Variants in IL12RB2 observed in about 807,000 individuals in gnomAD.
IL12RB2 encodes interleukin-12 receptor subunit beta-2.
Under a neutral mutation model 89.4 loss-of-function variants are expected in IL12RB2, and 82 were observed. The observed-to-expected ratio is 0.92, with a 90% CI of 0.77 to 1.10. IL12RB2 has a LOEUF of 1.10. Ranked by LOEUF, IL12RB2 falls within the 50% of genes least tolerant of loss-of-function variation. IL12RB2 has a pLI of 0.00. For missense variants in IL12RB2, 963 were observed against 1,031.9 expected, an observed-to-expected ratio of 0.93 and a Z score of 0.92; for synonymous variants, 368 against 370.1, an observed-to-expected ratio of 0.99 and a Z score of 0.07.
In IL12RB2 at chr1:67,328,060, G is replaced by A. The variant is rs141552340; in HGVS notation, c.480-140G>A. ...ATGACCATATAGTACAAATATTCCC[G>A]GGGTGTATCCCCTAGTCATAAGATT... On this transcript the variant is annotated intron_variant, in intron 5 of 16. Coordinates refer to ENST00000674203, the MANE Select transcript of IL12RB2 (RefSeq NM_001374259.2). The A allele has an allele frequency of 1.2e-3, 844 of 708,730 alleles. 1 individual carries two copies. The highest frequency in any genetic ancestry group is 5.4e-3 in the African/African-American group (304 of 56,572). 43.9% of individuals were successfully genotyped at this position (708,730 alleles called of 1,614,324 possible).
Position 67,333,344 on chromosome 1 carries a change from G to A in IL12RB2, c.958+2534G>A, listed in dbSNP as rs1404140955. Among the ~76,000 whole-genome samples the A allele has an allele frequency of 3.4e-5, 5 of 147,658 alleles. No homozygotes were observed. The East Asian group carries it at 7.9e-4, about 23-fold the overall frequency. On this transcript the variant is annotated intron_variant, in intron 8 of 16. Transcript: ENST00000674203. ...ACGTCTTCCTTTTAACCCTTTCAATGTGTACTCATATGTAACTTGGCATTT... is the reference window on the plus strand; with the variant it reads ...ACGTCTTCCTTTTAACCCTTTCAATATGTACTCATATGTAACTTGGCATTT...
intron 13 of IL12RB2, among the ~76,000 whole-genome samples, chr1:67,378,651 A>G (rs1332412787): frequency 6.6e-6 from 1 of 151,728 alleles, no homozygotes; most frequent in Non-Finnish European, 1.5e-5. Flanking sequence ...GGAGTTCGAG[A>G]CCAGCCTGAC....
In IL12RB2 at chr1:67,355,328, C is replaced by T. The variant is rs546332628; in HGVS notation, c.1258+4239C>T. 8.6e-5 allele frequency among the ~76,000 whole-genome samples: 13 copies of T among 150,568 alleles called. No homozygotes were observed. In the East Asian group the frequency reaches 1.8e-3, roughly 20 times the overall value. ...ACTCGGGAGGCTGAGGCAGGAGAAT[C>T]GCTTGAACCCGGGAGGTGAAGATTG... On this transcript the variant is annotated intron_variant, in intron 10 of 16. Transcript: ENST00000674203.
intron 10 of IL12RB2, among the ~76,000 whole-genome samples, chr1:67,356,885 C>A (rs1661452240): frequency 6.6e-6 from 1 of 152,126 alleles, no homozygotes; most frequent in African/African-American, 2.4e-5. Context: ...AGAACTAATG[C>A]AACAGATAGT....
At position 67,395,985 on chromosome 1, in the gene IL12RB2, C is replaced by A; in HGVS notation, c.2485C>A (p.Leu829Ile). ...LEELEPQHIS[L>I]SVFPSSSLHP... is the part of the protein sequence containing the mutation. ...AGAACTGGAGCCTCAGCACATCTCC[C>A]TTTCTGTTTTCCCCTCAAGTTCTCT... is the stretch of plus-strand genomic sequence containing the variant. The change falls in exon 17 of 17, where the codon CTT becomes ATT. Residue 829 changes from leucine (L) to isoleucine (I), a missense_variant. Leu to Ile is a conservative substitution (Grantham distance 5). Coordinates refer to ENST00000674203, the MANE Select transcript of IL12RB2 (RefSeq NM_001374259.2). The A allele has an allele frequency of 6.2e-7, 1 of 1,605,120 alleles. No individual in the cohort carries two copies. Among genetic ancestry groups the A allele is most frequent in the Non-Finnish European group, 8.5e-7 (1 of 1,171,716 alleles).
intron 9 of IL12RB2, among the ~76,000 whole-genome samples, chr1:67,341,549 A>AAG (rs752293992): frequency 0.16 from 8,830 of 55,996 alleles, 349 homozygotes; most frequent in East Asian, 0.34. Flanking sequence ...GAAAGAAAGA[A>AAG]AGAAAGAAAG....
intron 1 of IL12RB2, among the ~76,000 whole-genome samples, chr1:67,309,658 C>T (rs748695802): frequency 6.2e-4 from 95 of 152,134 alleles, no homozygotes; most frequent in Middle Eastern, 3.4e-3. Flanking sequence ...CTTTGACAAA[C>T]GGAATCTTTT....
chr1:67,321,974 A>G, intron 4 of IL12RB2, 85 bp downstream of exon 4: 1 of 1,112,952 alleles, frequency 9.0e-7, no homozygotes, highest in Non-Finnish European at 1.4e-6. Flanking sequence ...ACAGAAACCC[A>G]AATACAGGTT....
chr1:67,327,251 G>T (rs1388137701), intron 5 of IL12RB2, among the ~76,000 whole-genome samples: 2 of 152,118 alleles, frequency 1.3e-5, no homozygotes, highest in Non-Finnish European at 2.9e-5. Flanking sequence ...GAGCCACGGT[G>T]CCCGGCCTAT....
intron 13 of IL12RB2, 144 bp from the exon 14 acceptor site, chr1:67,379,842 C>T: frequency 1.5e-6 from 1 of 687,242 alleles, no homozygotes; most frequent in Non-Finnish European, 2.6e-6. Context: ...GTATTAAGTA[C>T]TGAGGAATTT....
At chr1:67,387,786 G>A (rs1325948902) in intron 15 of IL12RB2, among the ~76,000 whole-genome samples, 13 of 151,272 alleles carry the variant, frequency 8.6e-5, no homozygotes, top group Admixed American at 6.6e-5. Flanking sequence ...CAAACAATAC[G>A]TACTTTCATT....
chr1:67,341,531 GA>G (rs1349284217), intron 9 of IL12RB2, among the ~76,000 whole-genome samples: 3 of 21,038 alleles, frequency 1.4e-4, no homozygotes, highest in Admixed American at 1.3e-3. Context: ...AAAAGAAAGA[GA>G]AAGAAAGAAA....
chr1:67,367,374 G>A (rs1187817934), intron 10 of IL12RB2, among the ~76,000 whole-genome samples: 3 of 150,774 alleles, frequency 2.0e-5, no homozygotes, highest in Non-Finnish European at 4.4e-5. Flanking sequence ...CAGCCTGGGT[G>A]ACAAAGTAAG....
intron 13 of IL12RB2, among the ~76,000 whole-genome samples, chr1:67,379,237 G>A (rs1024300900): frequency 6.0e-5 from 9 of 150,606 alleles, no homozygotes; most frequent in Middle Eastern, 3.5e-3. Flanking sequence ...CTGGCCGGAC[G>A]CAGTGACTCA....
intron 10 of IL12RB2, among the ~76,000 whole-genome samples, chr1:67,366,388 C>T (rs1488274971): frequency 6.8e-6 from 1 of 146,556 alleles, no homozygotes; most frequent in African/African-American, 2.5e-5. Context: ...GAGGCAGAGG[C>T]CGCAGTGAGC....
At chr1:67,338,746 G>A (rs1327189220) in intron 9 of IL12RB2, 43 bp downstream of exon 9, 1 of 944,248 alleles carries the variant, frequency 1.1e-6, no homozygotes, top group Non-Finnish European at 1.8e-6. Context: ...GAATAAAACT[G>A]AAGGCAGAAA....
intron 1 of IL12RB2, among the ~76,000 whole-genome samples, chr1:67,310,802 G>A (rs1334862911): frequency 1.3e-5 from 2 of 152,118 alleles, no homozygotes; most frequent in African/African-American, 2.4e-5. Flanking sequence ...TTGGCTCACT[G>A]CAACCTCTGC....
chr1:67,353,715 T>G (rs968256428), intron 10 of IL12RB2, among the ~76,000 whole-genome samples: 1 of 152,268 alleles, frequency 6.6e-6, no homozygotes, highest in Admixed American at 6.5e-5. Flanking sequence ...TCTTCCCTTT[T>G]GCTTTTTATA....
Position 67,350,750 on chromosome 1 carries a change from T to C in IL12RB2, c.1039-120T>C, listed in dbSNP as rs1370586043. 4.5e-6 allele frequency: 7 copies of C among 1,541,916 alleles called. No individual in the cohort carries two copies. In the Admixed American group the frequency reaches 5.9e-5, roughly 13 times the overall value. ...GTGTGTAGCAGGGAACATGAGATGA[T>C]ATGAACAAAAAGGTCACTCAGCTGT... On this transcript the variant is annotated intron_variant, in intron 9 of 16. Coordinates refer to ENST00000674203, the MANE Select transcript of IL12RB2 (RefSeq NM_001374259.2).
Sources: allele counts gnomAD v4.1 joint callset (sites outside exome capture counted in the v4.1 genomes callset), GRCh38; gene constraint gnomAD v4.1.1; transcripts MANE v1.5; gene names NCBI Gene and HGNC (gene_info 2026-07-23, HGNC 2026-07-21).